Variants in CUBN observed in about 807,000 individuals in gnomAD.
CUBN encodes cubilin.
CUBN carries 282 observed loss-of-function variants against 405.3 expected under a neutral mutation model. That is an observed-to-expected ratio of 0.70 (90% confidence interval 0.63 to 0.77). CUBN has a LOEUF of 0.77. Ranked by LOEUF, CUBN falls within the 30% of genes least tolerant of loss-of-function variation. The probability of loss-of-function intolerance (pLI) is 0.00; values close to 1 mark genes in which losing one functional copy is unlikely to be tolerated. For missense variants in CUBN, 4,514 were observed against 4,475.2 expected, an observed-to-expected ratio of 1.01 and a Z score of -0.25; for synonymous variants, 1,684 against 1,617.0, an observed-to-expected ratio of 1.04 and a Z score of -0.99.
intron 36 of CUBN, among the ~76,000 whole-genome samples, chr10:16,943,419 A>C (rs980929630): frequency 7.0e-6 from 1 of 143,684 alleles, no homozygotes; most frequent in African/African-American, 2.7e-5. Flanking sequence ...TTATAACACA[A>C]TATTTCTATC....
chr10:17,015,859 G>T (rs973330381), intron 28 of CUBN, among the ~76,000 whole-genome samples: 1 of 152,126 alleles, frequency 6.6e-6, no homozygotes, highest in Non-Finnish European at 1.5e-5. Context: ...CAGGTGATTG[G>T]CCTGCTCCAT....
intron 28 of CUBN, among the ~76,000 whole-genome samples, chr10:17,014,177 T>G (rs1412158798): frequency 2.6e-5 from 4 of 152,230 alleles, no homozygotes; most frequent in African/African-American, 9.6e-5. Context: ...AGCCTCTGAC[T>G]ATTGCTACTA....
At chr10:17,039,870 A>C (rs983147805) in intron 27 of CUBN, among the ~76,000 whole-genome samples, 1 of 152,220 alleles carries the variant, frequency 6.6e-6, no homozygotes, top group Non-Finnish European at 1.5e-5. Context: ...ATTATCTCTG[A>C]AAAACAAGGG....
intron 59 of CUBN, among the ~76,000 whole-genome samples, chr10:16,868,399 TG>T (rs1226978895): frequency 6.6e-6 from 1 of 152,218 alleles, no homozygotes; most frequent in Non-Finnish European, 1.5e-5. Context: ...ACAGAAAGTT[TG>T]AAAAGTGAAT....
intron 52 of CUBN, 54 bp from the exon 53 acceptor site, chr10:16,900,904 A>T: frequency 8.6e-7 from 1 of 1,164,586 alleles, no homozygotes; most frequent in Non-Finnish European, 1.3e-6. Flanking sequence ...ACTGTTACGA[A>T]GATAAGGCCC....
intron 27 of CUBN, among the ~76,000 whole-genome samples, chr10:17,024,562 G>T (rs1239400051): frequency 6.6e-6 from 1 of 152,126 alleles, no homozygotes; most frequent in Non-Finnish European, 1.5e-5. Context: ...CTGGAGTGCA[G>T]TGGTGCAATA....
At chr10:17,003,032 GA>G (rs1833931833) in intron 28 of CUBN, among the ~76,000 whole-genome samples, 1 of 152,092 alleles carries the variant, frequency 6.6e-6, no homozygotes, top group South Asian at 2.1e-4. Context: ...CAAATAGGCT[GA>G]AAAAGCCATC....
chr10:16,960,260 G>A (rs569146233), intron 31 of CUBN, among the ~76,000 whole-genome samples: 1 of 152,328 alleles, frequency 6.6e-6, no homozygotes, highest in East Asian at 1.9e-4. Flanking sequence ...GGGAGACCGA[G>A]GCAGGTGGAT....
intron 63 of CUBN, 148 bp downstream of exon 63, chr10:16,836,087 T>C: frequency 1.3e-6 from 1 of 757,592 alleles, no homozygotes; most frequent in East Asian, 2.7e-5. Context: ...TAAATTGGGC[T>C]GGGTTCTAGT....
At chr10:17,107,720 A>G (rs1000599617) in intron 10 of CUBN, among the ~76,000 whole-genome samples, 1 of 151,958 alleles carries the variant, frequency 6.6e-6, no homozygotes, top group Non-Finnish European at 1.5e-5. Context: ...GATGGTCTCT[A>G]TCTCCTGACC....
At chr10:17,029,920 G>A (rs1373644811) in intron 27 of CUBN, among the ~76,000 whole-genome samples, 3 of 152,168 alleles carry the variant, frequency 2.0e-5, no homozygotes, top group Non-Finnish European at 4.4e-5. Context: ...AATTACAACT[G>A]GGAAGGCTGC....
chr10:16,965,196 G>A (rs1049905832), intron 31 of CUBN, among the ~76,000 whole-genome samples: 1 of 152,052 alleles, frequency 6.6e-6, no homozygotes, highest in Non-Finnish European at 1.5e-5. Flanking sequence ...ATCTTGCCTA[G>A]GCCACTACAA....
intron 14 of CUBN, among the ~76,000 whole-genome samples, chr10:17,097,447 T>G (rs569555928): frequency 6.6e-6 from 1 of 152,206 alleles, no homozygotes; most frequent in East Asian, 1.9e-4. Context: ...TCAATTAACT[T>G]TATGGTAAAT....
At chr10:16,921,430 C>T (rs920577283) in intron 43 of CUBN, among the ~76,000 whole-genome samples, 4 of 152,148 alleles carry the variant, frequency 2.6e-5, no homozygotes, top group African/African-American at 7.2e-5. Flanking sequence ...CTCTCCCTAT[C>T]TGTCTGTCTG....
chr10:16,884,041 G>A (rs1006218043), intron 56 of CUBN, among the ~76,000 whole-genome samples: 4 of 152,084 alleles, frequency 2.6e-5, no homozygotes, highest in Non-Finnish European at 5.9e-5. Context: ...GGGCAGTAGC[G>A]CAATCTTGGC....
Position 16,874,417 on chromosome 10 carries a change from G to A in CUBN, c.9193C>T (p.Leu3065=). The stretch of plus-strand genomic sequence containing the variant: ...TCGTCACTAACGGTGATGGTATACA[G>A]ACAGTGCATATCATTTGGGTAGTCT... ...YADYPNDMHC[L]YTITVSDDKV... is the part of the protein sequence containing the mutation. Residue 3065 remains leucine (L), a synonymous_variant, in exon 58 of 67, where the codon CTG becomes TTG. Transcript: ENST00000377833. 1.9e-6 allele frequency: 3 copies of A among 1,614,038 alleles called. No individual in the cohort carries two copies. Among genetic ancestry groups the A allele is most frequent in the Non-Finnish European group, 2.5e-6 (3 of 1,179,884 alleles).
At chr10:16,829,095 C>T (rs1001209142) in intron 65 of CUBN, 55 bp from the exon 66 acceptor site, 4 of 1,380,794 alleles carry the variant, frequency 2.9e-6, no homozygotes, top group South Asian at 1.2e-5. Context: ...GCCGTCCAGT[C>T]TGGCTTGTTA....
At chr10:16,927,550 A>G (rs1331612687) in intron 41 of CUBN, among the ~76,000 whole-genome samples, 1 of 152,248 alleles carries the variant, frequency 6.6e-6, no homozygotes, top group African/African-American at 2.4e-5. Context: ...TGATCAAAAC[A>G]TGAGAGTCTT....
chr10:16,982,617 A>T lies in CUBN; in HGVS notation c.4562T>A (p.Ile1521Asn). ...GGIFQAPSGE[I>N]HSPNYPSPYR... ...AGGACTGGGGTAATTTGGAGAATGAATCTCTCCACTGGGAGCCTGGAAAAT... is the reference window on the plus strand; with the variant it reads ...AGGACTGGGGTAATTTGGAGAATGATTCTCTCCACTGGGAGCCTGGAAAAT... The change falls in exon 31 of 67, where the codon ATT becomes AAT. Residue 1521 changes from isoleucine (I) to asparagine (N), a missense_variant. By Grantham distance (149) the Ile-to-Asn change is moderately radical (BLOSUM62 -3). Around this residue, in one of 5 missense-constraint regions of CUBN, gnomAD observed 1,613 missense variants for 1,542.8 expected, o/e 1.05. Transcript: ENST00000377833. 1 of 1,613,164 alleles carries T rather than the reference A, an allele frequency of 6.2e-7. No homozygotes were observed. The highest frequency in any genetic ancestry group is 8.5e-7 in the Non-Finnish European group (1 of 1,179,208).
Sources: gnomAD v4.1 joint callset for allele counts (sites outside exome capture counted in the v4.1 genomes callset) on GRCh38, gnomAD v4.1.1 for gene constraint, gnomAD v4.1.1 regional missense constraint, MANE v1.5 for transcripts, NCBI Gene and HGNC (gene_info 2026-07-23, HGNC 2026-07-21) for gene names.